The following KCNH1 variants were observed in gnomAD, a reference collection of about 807,000 sequenced individuals.
KCNH1 encodes the protein voltage-gated delayed rectifier potassium channel KCNH1.
KCNH1 carries 27 observed loss-of-function variants against 69.2 expected under a neutral mutation model. That is an observed-to-expected ratio of 0.39 (90% confidence interval 0.29 to 0.54). The LOEUF (loss-of-function observed/expected upper bound fraction) is 0.54. Ranked by LOEUF, KCNH1 falls within the 20% of genes least tolerant of loss-of-function variation. KCNH1 has a pLI of 0.68. For synonymous variants in KCNH1, 456 were observed against 487.7 expected, an observed-to-expected ratio of 0.93 and a Z score of 0.86; for missense variants, 798 against 1,261.6, an observed-to-expected ratio of 0.63 and a Z score of 5.57.
At chr1:211,081,295 G>A (rs1023210893) in intron 5 of KCNH1, among the ~76,000 whole-genome samples, 5 of 152,098 alleles carry the variant, frequency 3.3e-5, no homozygotes, top group East Asian at 1.9e-4. Flanking sequence ...TTAGAATGGC[G>A]ATCATTAAAA....
At chr1:210,917,118 C>T (rs1432242837) in intron 7 of KCNH1, among the ~76,000 whole-genome samples, 1 of 150,860 alleles carries the variant, frequency 6.6e-6, no homozygotes, top group Admixed American at 6.6e-5. Flanking sequence ...TGCACTGCAG[C>T]CTGGGCAACA....
intron 7 of KCNH1, among the ~76,000 whole-genome samples, chr1:210,883,287 A>G (rs1231059382): frequency 6.6e-6 from 1 of 152,130 alleles, no homozygotes; most frequent in Admixed American, 6.5e-5. Flanking sequence ...GATAGAGAAA[A>G]GCTCTTCTTT....
intron 6 of KCNH1, among the ~76,000 whole-genome samples, chr1:210,997,203 C>T (rs1689065118): frequency 6.6e-6 from 1 of 152,170 alleles, no homozygotes; most frequent in African/African-American, 2.4e-5. Context: ...TTCAGACGAT[C>T]AAACTACTCC....
intron 7 of KCNH1, among the ~76,000 whole-genome samples, chr1:210,842,191 T>A (rs931335080): frequency 6.6e-6 from 1 of 152,128 alleles, no homozygotes; most frequent in African/African-American, 2.4e-5. Flanking sequence ...GTTGCTTACC[T>A]CCCCTACCAT....
chr1:210,858,656 AG>A (rs1469871275), intron 7 of KCNH1: 1 of 155,240 alleles, frequency 6.4e-6, no homozygotes, highest in African/African-American at 2.4e-5. Flanking sequence ...AGATTGAATA[AG>A]GCTATCAGAT....
chr1:210,721,338 A>C (rs1244912338), intron 10 of KCNH1, among the ~76,000 whole-genome samples: 11 of 152,162 alleles, frequency 7.2e-5, no homozygotes, highest in Admixed American at 7.2e-4. Flanking sequence ...GTGGTTTTTA[A>C]TGCCAGTGAA....
intron 10 of KCNH1, among the ~76,000 whole-genome samples, chr1:210,691,078 G>A (rs184661915): frequency 6.6e-6 from 1 of 152,336 alleles, no homozygotes; most frequent in African/African-American, 2.4e-5. Context: ...GGATTAAGTT[G>A]GATAATGTAA....
chr1:211,034,375 T>C (rs905490115), intron 5 of KCNH1, among the ~76,000 whole-genome samples: 2 of 151,540 alleles, frequency 1.3e-5, no homozygotes, highest in African/African-American at 4.9e-5. Context: ...AATGACAAAA[T>C]TATAGAAAGA....
chr1:210,734,643 C>G (rs1182283494), intron 10 of KCNH1, among the ~76,000 whole-genome samples: 2 of 152,024 alleles, frequency 1.3e-5, no homozygotes, highest in African/African-American at 2.4e-5. Context: ...TGGGGTGGCT[C>G]AGCCTTCTCT....
At chr1:210,927,431 G>C (rs562318573) in intron 6 of KCNH1, among the ~76,000 whole-genome samples, 1 of 152,188 alleles carries the variant, frequency 6.6e-6, no homozygotes, top group Admixed American at 6.5e-5. Flanking sequence ...AAAACAATTA[G>C]CAGCCCAAAA....
intron 5 of KCNH1, among the ~76,000 whole-genome samples, chr1:211,055,388 T>G (rs146025160): frequency 5.7e-4 from 87 of 152,316 alleles, no homozygotes; most frequent in Non-Finnish European, 9.8e-4. Flanking sequence ...CAGAGGCTAA[T>G]CATTCATCCC....
chr1:211,038,020 C>T (rs1172392270), intron 5 of KCNH1, among the ~76,000 whole-genome samples: 6 of 139,482 alleles, frequency 4.3e-5, no homozygotes, highest in African/African-American at 8.3e-5. Flanking sequence ...AGTGCAGTGG[C>T]GTGATCTCGG....
At chr1:210,839,004 T>C (rs578062969) in intron 7 of KCNH1, among the ~76,000 whole-genome samples, 15 of 152,332 alleles carry the variant, frequency 9.8e-5, no homozygotes, top group African/African-American at 3.6e-4. Context: ...AGTGTGGAGA[T>C]TCCTCAAAGA....
intron 9 of KCNH1, among the ~76,000 whole-genome samples, chr1:210,784,431 G>A (rs867882295): frequency 1.3e-5 from 2 of 152,148 alleles, no homozygotes; most frequent in Non-Finnish European, 2.9e-5. Context: ...ACTTGTTTTC[G>A]CATGTAAGTA....
intron 5 of KCNH1, among the ~76,000 whole-genome samples, chr1:211,050,756 G>A (rs1250728977): frequency 6.6e-6 from 1 of 152,160 alleles, no homozygotes; most frequent in Non-Finnish European, 1.5e-5. Context: ...GTCATGAATA[G>A]TTTTCCATTA....
chr1:210,715,492 C>A (rs79958251), intron 10 of KCNH1, among the ~76,000 whole-genome samples: 22,541 of 150,786 alleles, frequency 0.15, 2,194 homozygotes, highest in Non-Finnish European at 0.22. Flanking sequence ...TATAGCAAGA[C>A]CCTGTTTCTA....
chr1:210,939,133 A>G (rs1687833783), intron 6 of KCNH1, among the ~76,000 whole-genome samples: 1 of 152,128 alleles, frequency 6.6e-6, no homozygotes, highest in Admixed American at 6.5e-5. Flanking sequence ...CATTCTTTCA[A>G]CAAATACTTC....
intron 1 of KCNH1, among the ~76,000 whole-genome samples, chr1:211,122,677 G>T (rs902351742): frequency 3.3e-5 from 5 of 152,156 alleles, no homozygotes; most frequent in African/African-American, 1.2e-4. Flanking sequence ...TCCTTTGCAG[G>T]GACATGGATG....
intron 6 of KCNH1, among the ~76,000 whole-genome samples, chr1:210,960,669 G>A (rs1688275882): frequency 6.6e-6 from 1 of 152,026 alleles, no homozygotes; most frequent in Non-Finnish European, 1.5e-5. Context: ...TACCTATTGA[G>A]GATGTTTGGA....
Sources: allele counts gnomAD v4.1 joint callset (sites outside exome capture counted in the v4.1 genomes callset), GRCh38; gene constraint gnomAD v4.1.1; transcripts MANE v1.5; gene names NCBI Gene and HGNC (gene_info 2026-07-23, HGNC 2026-07-21).